UGGT1: variants seen among roughly 807,000 people sequenced by gnomAD.
UGGT1 encodes UDP-glucose glycoprotein glucosyltransferase 1.
In UGGT1, 107 loss-of-function variants were observed where a neutral mutation model predicts 203.9. The ratio of observed to expected loss-of-function variants is 0.52; its 90% confidence interval spans 0.45 to 0.62. The LOEUF (loss-of-function observed/expected upper bound fraction) is 0.62. Among genes scored for constraint, UGGT1 ranks in the 20% least tolerant of loss-of-function variants. The pLI is 0.00. For missense variants in UGGT1, 1,673 were observed against 1,867.2 expected (o/e 0.90, Z 1.92); for synonymous variants, 628 against 653.5 (o/e 0.96, Z 0.59).
At chr2:128,103,174 C>G (rs1490906855) in intron 2 of UGGT1, 1 of 462,922 alleles carries the variant, frequency 2.2e-6, no homozygotes, top group African/African-American at 2.0e-5. Flanking sequence ...CTGTAGTTTG[C>G]TTTAAGACAG....
chr2:128,143,859 C>T (rs896445929), intron 17 of UGGT1, among the ~76,000 whole-genome samples: 3 of 151,916 alleles, frequency 2.0e-5, no homozygotes, highest in East Asian at 3.9e-4. Flanking sequence ...CAGCTTTACC[C>T]CTATACAAAA....
intron 13 of UGGT1, among the ~76,000 whole-genome samples, chr2:128,131,328 C>T (rs535829606): frequency 1.5e-4 from 22 of 150,378 alleles, no homozygotes; most frequent in Admixed American, 9.3e-4. Flanking sequence ...CCGTGGTGGG[C>T]GGATCACTTT....
At chr2:128,166,856 T>A (rs7581718) in intron 26 of UGGT1, among the ~76,000 whole-genome samples, 86,639 of 152,006 alleles carry the variant, frequency 0.57, 25,015 homozygotes, top group South Asian at 0.65. Context: ...TTCCTCTGTG[T>A]TTCTGAGCTG....
intron 1 of UGGT1, among the ~76,000 whole-genome samples, chr2:128,092,942 CTGTT>C (rs760448869): frequency 1.3e-5 from 2 of 152,220 alleles, no homozygotes; most frequent in Non-Finnish European, 2.9e-5. Flanking sequence ...TTATCTCAGA[CTGTT>C]TGTCTTTATA....
At chr2:128,110,743 G>A (rs1558757917) in intron 5 of UGGT1, among the ~76,000 whole-genome samples, 1 of 152,142 alleles carries the variant, frequency 6.6e-6, no homozygotes, top group African/African-American at 2.4e-5. Flanking sequence ...CATGTAGGTA[G>A]TTTTATTTTT....
chr2:128,188,245 A>C (rs1307746121), intron 40 of UGGT1, among the ~76,000 whole-genome samples: 1 of 151,698 alleles, frequency 6.6e-6, no homozygotes, highest in Non-Finnish European at 1.5e-5. Context: ...GGGTTTCACC[A>C]TGTTGCCCAG....
At chr2:128,103,136 C>T (rs1444252265) in intron 2 of UGGT1, 2 of 470,758 alleles carry the variant, frequency 4.2e-6, no homozygotes, top group Admixed American at 4.7e-5. Flanking sequence ...GAAAGTCTTC[C>T]TTTGGCTAGG....
chr2:128,142,156 G>A (rs1477414524), intron 16 of UGGT1, among the ~76,000 whole-genome samples: 4 of 151,814 alleles, frequency 2.6e-5, no homozygotes, highest in East Asian at 2.0e-4. Context: ...GGCTGTTCTC[G>A]AACTCCTGAC....
rs1692228048 is a variant in UGGT1, at chr2:128,190,861, C to T, written c.*1119C>T. The T allele has an allele frequency of 6.6e-6, 1 of 152,286 alleles. No individual in the cohort carries two copies. The highest frequency in any genetic ancestry group is 2.4e-5 in the African/African-American group (1 of 41,458). 9.4% of individuals were successfully genotyped at this position (152,286 alleles called of 1,614,324 possible). A position where few individuals can be genotyped will look rare whatever the true frequency, so the allele number is the denominator to read the frequency against. On this transcript the variant is annotated 3_prime_UTR_variant, in exon 41 of 41. Coordinates refer to ENST00000259253, the MANE Select transcript of UGGT1 (RefSeq NM_020120.4). ...GTCCTATTTTCCTTTTATGTGAGCC[C>T]TGCAGGTTGCCTTTGGCGCCCACAC...
intron 15 of UGGT1, among the ~76,000 whole-genome samples, chr2:128,137,833 T>C (rs1689204810): frequency 6.6e-6 from 1 of 152,262 alleles, no homozygotes; most frequent in Admixed American, 6.5e-5. Context: ...TTTGCCCCAG[T>C]ATGTTCAGTG....
chr2:128,142,970 T>C (rs1689511274), intron 16 of UGGT1, 124 bp from the exon 17 acceptor site: 1 of 1,053,158 alleles, frequency 9.5e-7, no homozygotes. Context: ...ACAGCAAAAC[T>C]CCGTCTCAAA....
intron 18 of UGGT1, among the ~76,000 whole-genome samples, chr2:128,146,771 C>T (rs1478720882): frequency 1.3e-5 from 2 of 152,176 alleles, no homozygotes; most frequent in East Asian, 3.8e-4. Context: ...CTACTCCCAG[C>T]CACCCTGCCA....
chr2:128,171,238 G>C lies in UGGT1; in HGVS notation c.3058G>C (p.Val1020Leu), dbSNP rs778531945. 1 of 1,613,522 alleles carries C rather than the reference G, an allele frequency of 6.2e-7. No homozygotes were observed. Among genetic ancestry groups the C allele is most frequent in the Admixed American group, 1.7e-5 (1 of 59,890 alleles). Reference sequence around the variant, plus strand: ...TCAGCTGATAAACATGAATCTGAGAGTATTTATGAACTGCCAATCCAAACT... The same window carrying C: ...TCAGCTGATAAACATGAATCTGAGACTATTTATGAACTGCCAATCCAAACT... Reference protein sequence around the residue: ...LAQLINMNLRVFMNCQSKLSD... With the variant: ...LAQLINMNLRLFMNCQSKLSD... Residue 1020 changes from valine (V) to leucine (L), a missense_variant, in exon 28 of 41, where the codon GTA (valine) becomes CTA (leucine). Val to Leu is a conservative substitution (Grantham distance 32). Transcript: ENST00000259253.
intron 14 of UGGT1, among the ~76,000 whole-genome samples, chr2:128,134,047 C>CT (rs1553437724): frequency 2.0e-5 from 3 of 151,832 alleles, no homozygotes; most frequent in Admixed American, 1.3e-4. Flanking sequence ...TTCTTCCCCC[C>CT]ACTCCCGCAG....
rs750041466 is a variant in UGGT1 at position 128,121,317 on chromosome 2, C to T, written c.1073+19C>T. On this transcript the variant is annotated intron_variant, in intron 10 of 40. Coordinates refer to ENST00000259253, the MANE Select transcript of UGGT1 (RefSeq NM_020120.4). ...AAGCCAGGTAATGTAGAATAATGCT[C>T]TTCTCCTTAACATCATACCCAGTCA... 2 of 1,564,134 alleles carry T rather than the reference C, an allele frequency of 1.3e-6. No individual in the cohort carries two copies. Among genetic ancestry groups the T allele is most frequent in the South Asian group, 2.3e-5 (2 of 86,204 alleles).
chr2:128,178,188 C>T (rs1050240528), intron 33 of UGGT1, among the ~76,000 whole-genome samples: 13 of 152,176 alleles, frequency 8.5e-5, no homozygotes, highest in African/African-American at 3.1e-4. Flanking sequence ...TTGACTGCTC[C>T]CTGCTCAGTT....
chr2:128,174,730 G>T (rs1573618506), intron 30 of UGGT1, 43 bp from the exon 31 acceptor site: 2 of 1,426,784 alleles, frequency 1.4e-6, no homozygotes, highest in Non-Finnish European at 9.7e-7. Flanking sequence ...ATAACATTTT[G>T]GTGTTTTGAA....
At chr2:128,118,687 C>T (rs951623638) in intron 8 of UGGT1, among the ~76,000 whole-genome samples, 8 of 152,068 alleles carry the variant, frequency 5.3e-5, no homozygotes, top group African/African-American at 1.9e-4. Flanking sequence ...TTTGGACATT[C>T]AGAATAGTTA....
At chr2:128,169,184 A>C (rs1690964062) in intron 26 of UGGT1, among the ~76,000 whole-genome samples, 1 of 150,764 alleles carries the variant, frequency 6.6e-6, no homozygotes, top group Non-Finnish European at 1.5e-5. Context: ...TAGTCTGGTC[A>C]ATATGGTGAG....
Sources: allele counts gnomAD v4.1 joint callset (sites outside exome capture counted in the v4.1 genomes callset), GRCh38; gene constraint gnomAD v4.1.1; transcripts MANE v1.5; gene names NCBI Gene and HGNC (gene_info 2026-07-23, HGNC 2026-07-21).